PCNX1: variants seen among roughly 807,000 people sequenced by gnomAD.
The protein encoded by PCNX1 is pecanex-like protein 1.
PCNX1 carries 78 observed loss-of-function variants against 242.2 expected under a neutral mutation model. That is an observed-to-expected ratio of 0.32 (90% CI 0.27 to 0.39). The LOEUF is 0.39. Ranked by LOEUF, PCNX1 falls within the 10% of genes least tolerant of loss-of-function variation. PCNX1 has a pLI of 1.00. For missense variants in PCNX1, 2,581 were observed against 2,856.5 expected, an observed-to-expected ratio of 0.90 and a Z score of 2.20; for synonymous variants, 1,024 against 1,032.9, an observed-to-expected ratio of 0.99 and a Z score of 0.17.
chr14:70,967,767 A>G (rs1236373825), intron 3 of PCNX1, among the ~76,000 whole-genome samples: 1 of 152,232 alleles, frequency 6.6e-6, no homozygotes, highest in Non-Finnish European at 1.5e-5. Context: ...TTTGTAGTGT[A>G]TGTTAATGTT....
chr14:71,030,758 C>T lies in PCNX1; in HGVS notation c.3558+1967C>T, dbSNP rs913415776. Among the ~76,000 whole-genome samples, 4 of 151,980 alleles carry T rather than the reference C, an allele frequency of 2.6e-5. 1 individual carries two copies. The highest frequency in any genetic ancestry group is 6.6e-5 in the Admixed American group (1 of 15,240). ...AACCAGTGTTATTTTTAAAATTTCC[C>T]TTGGCCATTAAGCAGCTCAAAGCCA... On this transcript the variant is annotated intron_variant, in intron 16 of 35. Coordinates refer to ENST00000304743, the MANE Select transcript of PCNX1 (RefSeq NM_014982.3).
At chr14:70,957,836 A>G (rs370198823) in intron 2 of PCNX1, among the ~76,000 whole-genome samples, 3 of 137,990 alleles carry the variant, frequency 2.2e-5, no homozygotes, top group East Asian at 4.3e-4. Context: ...ATGTGTGTGT[A>G]TATATATAGA....
Position 70,978,197 on chromosome 14 carries a change from C to G in PCNX1, c.1860C>G (p.Phe620Leu), listed in dbSNP as rs754147740. 2.5e-6 allele frequency: 4 copies of G among 1,614,034 alleles called. 1 individual carries two copies. The South Asian group carries it at 3.3e-5, about 13-fold the overall frequency. Reference protein sequence around the residue: ...RASSVQSAHQFSSDSSSSTTS... With the variant: ...RASSVQSAHQLSSDSSSSTTS... ...CAAGTGTTCAGTCTGCTCACCAGTT[C>G]AGCAGTGATAGCTCTTCTAGCACCA... is the stretch of plus-strand genomic sequence containing the variant. The change falls in exon 6 of 36, where the codon TTC becomes TTG. Residue 620 changes from phenylalanine (F) to leucine (L), a missense_variant. Phe to Leu is a conservative substitution (Grantham distance 22). This residue lies in a region of PCNX1 where 1,204 missense variants were observed against 1,216.7 expected (regional missense o/e 0.99). Coordinates refer to ENST00000304743, the MANE Select transcript of PCNX1 (RefSeq NM_014982.3).
At chr14:70,972,910 G>T (rs898015798) in intron 5 of PCNX1, among the ~76,000 whole-genome samples, 4 of 152,066 alleles carry the variant, frequency 2.6e-5, no homozygotes, top group Admixed American at 2.6e-4. Context: ...TTTGTCATGG[G>T]GATAGAAAAC....
chr14:70,955,375 T>G (rs1223361951), intron 2 of PCNX1, among the ~76,000 whole-genome samples: 1 of 152,236 alleles, frequency 6.6e-6, no homozygotes, highest in Non-Finnish European at 1.5e-5. Flanking sequence ...GTTTTTATCC[T>G]TATTCTTATG....
rs768516692 is a variant in PCNX1 at position 71,011,485 on chromosome 14, A to G, written c.2721-7A>G. ...CAAACTGTTCCCTATTTTTTATTTT[A>G]TTTTAGTGACACAGATTCTCATGTA... On this transcript the variant is annotated splice_region_variant and splice_polypyrimidine_tract_variant and intron_variant, in intron 9 of 35. Coordinates refer to ENST00000304743, the MANE Select transcript of PCNX1 (RefSeq NM_014982.3). 1 of 1,508,858 alleles carries G rather than the reference A, an allele frequency of 6.6e-7. No homozygotes were observed. The highest frequency in any genetic ancestry group is 1.4e-5 in the African/African-American group (1 of 72,556). 93.5% of individuals were successfully genotyped at this position (1,508,858 alleles called of 1,614,324 possible). A position where few individuals can be genotyped will look rare whatever the true frequency, so the allele number is the denominator to read the frequency against.
At chr14:71,014,021 A>C (rs1014849255) in intron 11 of PCNX1, among the ~76,000 whole-genome samples, 3 of 152,194 alleles carry the variant, frequency 2.0e-5, no homozygotes, top group Non-Finnish European at 4.4e-5. Flanking sequence ...TATGTGAGGA[A>C]ACTATTTGAG....
rs551539968 is a variant in PCNX1 at position 71,012,677 on chromosome 14, A to G, written c.2779-308A>G. On this transcript the variant is annotated intron_variant, in intron 10 of 35. Transcript: ENST00000304743. ...AAATCCCGTCTCTACAAAAAATAGAAAAAGAATTAGCCGGGCATGGTGGCA... is the reference window on the plus strand; with the variant it reads ...AAATCCCGTCTCTACAAAAAATAGAGAAAGAATTAGCCGGGCATGGTGGCA... 3.5e-4 allele frequency: 113 copies of G among 322,452 alleles called. 1 individual carries two copies. The Middle Eastern group carries it at 4.4e-3, about 12-fold the overall frequency. The allele number at this position is 322,452 out of a possible 1,614,324, so 20.0% of individuals were successfully genotyped here.
intron 30 of PCNX1, among the ~76,000 whole-genome samples, chr14:71,097,121 T>C (rs1434249869): frequency 6.6e-6 from 1 of 152,170 alleles, no homozygotes; most frequent in Non-Finnish European, 1.5e-5. Flanking sequence ...TCCACAGCCA[T>C]ATTGCTGCAA....
chr14:70,979,988 C>A (rs1329439974), intron 6 of PCNX1, among the ~76,000 whole-genome samples: 1 of 149,976 alleles, frequency 6.7e-6, no homozygotes, highest in Non-Finnish European at 1.5e-5. Context: ...TGTAAACAAC[C>A]TGAAATGCTT....
At chr14:71,031,053 A>G (rs1367818823) in intron 16 of PCNX1, among the ~76,000 whole-genome samples, 1 of 152,242 alleles carries the variant, frequency 6.6e-6, no homozygotes, top group African/African-American at 2.4e-5. Flanking sequence ...CACCAAGTAT[A>G]CAAGACTTTT....
chr14:70,968,805 T>G (rs2058456257), intron 4 of PCNX1, among the ~76,000 whole-genome samples: 1 of 152,248 alleles, frequency 6.6e-6, no homozygotes, highest in African/African-American at 2.4e-5. Flanking sequence ...CCACATTGTT[T>G]GGTTTGTAGT....
chr14:71,071,112 C>T (rs554974686), intron 26 of PCNX1, among the ~76,000 whole-genome samples: 5 of 152,326 alleles, frequency 3.3e-5, no homozygotes, highest in South Asian at 2.1e-4. Flanking sequence ...TTTTCTTCTG[C>T]AGCTTGCTTG....
At chr14:71,059,568 C>T (rs888235326) in intron 26 of PCNX1, among the ~76,000 whole-genome samples, 29 of 151,742 alleles carry the variant, frequency 1.9e-4, no homozygotes, top group Admixed American at 5.3e-4. Flanking sequence ...TTAATTTTTA[C>T]TTTTGTATAG....
chr14:70,941,721 C>A (rs536605028), intron 1 of PCNX1, among the ~76,000 whole-genome samples: 13 of 152,292 alleles, frequency 8.5e-5, no homozygotes, highest in African/African-American at 3.1e-4. Flanking sequence ...TATGCCCTGC[C>A]CCCAGAGGTG....
chr14:70,945,923 A>G (rs74677300), intron 1 of PCNX1, among the ~76,000 whole-genome samples: 109 of 152,286 alleles, frequency 7.2e-4, no homozygotes, highest in South Asian at 1.2e-3. Context: ...AGAGCTATAG[A>G]TGTCTGGGTG....
chr14:70,962,940 G>A (rs1379501029), intron 3 of PCNX1, among the ~76,000 whole-genome samples: 5 of 152,168 alleles, frequency 3.3e-5, no homozygotes, highest in Admixed American at 2.0e-4. Flanking sequence ...ATTGGGTAGA[G>A]TAAAATTCTA....
chr14:71,017,668 A>G (rs1440625916), intron 11 of PCNX1, among the ~76,000 whole-genome samples: 1 of 152,214 alleles, frequency 6.6e-6, no homozygotes, highest in African/African-American at 2.4e-5. Context: ...CAAAATTGAA[A>G]ATCCTTAAAA....
rs370881069 is a variant in PCNX1, at chr14:70,984,503, C to G, written c.2312-4064C>G. The stretch of plus-strand genomic sequence containing the variant: ...CTGAGTTCACGCCATTCTCCTGCCT[C>G]AGCCTCCCGAGTAGCTGGGATTACA... On this transcript the variant is annotated intron_variant, in intron 6 of 35. Transcript: ENST00000304743. Among the ~76,000 whole-genome samples the G allele has an allele frequency of 3.6e-3, 539 of 151,300 alleles. 3 individuals carry two copies. The highest frequency in any genetic ancestry group is 0.013 in the African/African-American group (523 of 41,452).
Sources: allele counts gnomAD v4.1 joint callset (sites outside exome capture counted in the v4.1 genomes callset), GRCh38; gene constraint gnomAD v4.1.1; regional missense constraint gnomAD v4.1.1; transcripts MANE v1.5; gene names NCBI Gene and HGNC (gene_info 2026-07-23, HGNC 2026-07-21).